DDAH1: variants seen among roughly 807,000 people sequenced by gnomAD.
DDAH1 encodes the protein N(G),N(G)-dimethylarginine dimethylaminohydrolase 1.
In DDAH1, 19 loss-of-function variants were observed where a neutral mutation model predicts 28.8. The observed-to-expected ratio is 0.66, with a 90% CI of 0.46 to 0.97. DDAH1 has a LOEUF of 0.97. DDAH1 is among the 50% of genes least tolerant of loss of function. The probability of loss-of-function intolerance (pLI) is 0.00; values close to 1 mark genes in which losing one functional copy is unlikely to be tolerated. For synonymous variants in DDAH1, 153 were observed against 154.4 expected (o/e 0.99, Z 0.07); for missense variants, 326 against 375.9 (o/e 0.87, Z 1.10).
chr1:85,404,172 AATAAAGCTAAACAG>A (rs1652291908), intron 1 of DDAH1, among the ~76,000 whole-genome samples: 1 of 152,162 alleles, frequency 6.6e-6, no homozygotes, highest in South Asian at 2.1e-4. Flanking sequence ...ATATTTCACA[AATAAAGCTAAACAG>A]AAAAATGCAG....
At chr1:85,338,974 G>C (rs1330358098) in intron 4 of DDAH1, among the ~76,000 whole-genome samples, 2 of 151,308 alleles carry the variant, frequency 1.3e-5, no homozygotes, top group Non-Finnish European at 2.9e-5. Context: ...TTGAACCTGG[G>C]AGGCGGAGGT....
At position 85,464,254 on chromosome 1, in the gene DDAH1, G is replaced by A. The variant is rs1326883451; in HGVS notation, c.303+489C>T. Among the ~76,000 whole-genome samples, 1 of 152,110 alleles carries A rather than the reference G, an allele frequency of 6.6e-6. No individual in the cohort carries two copies. Among genetic ancestry groups the A allele is most frequent in the East Asian group, 1.9e-4 (1 of 5,168 alleles). On this transcript the variant is annotated intron_variant, in intron 1 of 5. Transcript: ENST00000284031. The surrounding 1 kb of genome is among the most constrained non-coding windows in gnomAD (Gnocchi z 4.4). Reference sequence around the variant, plus strand: ...AACTTGAGAAGCCCCAGGTCTGTGGGCACCGACACCCCGTTAATTCATCCA... The same window carrying A: ...AACTTGAGAAGCCCCAGGTCTGTGGACACCGACACCCCGTTAATTCATCCA...
At chr1:85,500,878 T>TC (rs1553142517) in intron 1 of DDAH1, among the ~76,000 whole-genome samples, 3,228 of 152,210 alleles carry the variant, frequency 0.021, 111 homozygotes, top group African/African-American at 0.074. Context: ...GATTTTTTTT[T>TC]CATTTTAGGT....
At chr1:85,574,911 T>G (rs1424986008) in intron 1 of DDAH1, among the ~76,000 whole-genome samples, 4 of 151,454 alleles carry the variant, frequency 2.6e-5, no homozygotes, top group East Asian at 2.0e-4. Flanking sequence ...ATATATGTAA[T>G]TAATTATAAC....
intron 1 of DDAH1, among the ~76,000 whole-genome samples, chr1:85,565,879 G>A (rs1048077510): frequency 2.0e-5 from 3 of 151,986 alleles, no homozygotes; most frequent in Admixed American, 6.5e-5. Context: ...TCAAGAGTTC[G>A]AGACCAGGCT....
At chr1:85,330,301 G>T (rs1200727596) in intron 4 of DDAH1, among the ~76,000 whole-genome samples, 5 of 152,218 alleles carry the variant, frequency 3.3e-5, no homozygotes, top group Non-Finnish European at 7.3e-5. Flanking sequence ...TGAGGCCAAG[G>T]AACAGGTTCT....
intron 3 of DDAH1, 67 bp downstream of exon 3, chr1:85,351,439 T>G (rs994566732): frequency 3.9e-6 from 5 of 1,266,036 alleles, no homozygotes; most frequent in African/African-American, 2.9e-5. Context: ...ATGACATTGA[T>G]TCAATGGTTC....
At chr1:85,541,518 G>T (rs1421291911) in intron 1 of DDAH1, among the ~76,000 whole-genome samples, 1 of 152,164 alleles carries the variant, frequency 6.6e-6, no homozygotes, top group Non-Finnish European at 1.5e-5. Flanking sequence ...AGTAAATGAT[G>T]CTGTGTTGGG....
At chr1:85,333,715 A>G (rs1457207821) in intron 4 of DDAH1, among the ~76,000 whole-genome samples, 2 of 152,024 alleles carry the variant, frequency 1.3e-5, no homozygotes, top group African/African-American at 4.8e-5. Flanking sequence ...TCAACAGGAT[A>G]CTAAATCAAG....
chr1:85,357,659 G>A (rs528498373), intron 2 of DDAH1, among the ~76,000 whole-genome samples: 18 of 152,302 alleles, frequency 1.2e-4, no homozygotes, highest in African/African-American at 3.8e-4. Context: ...CCAAGTCCCT[G>A]AGGACCAGCC....
At position 85,457,836 on chromosome 1, in the gene DDAH1, C is replaced by T. The variant is rs1200828819; in HGVS notation, c.303+6907G>A. Among the ~76,000 whole-genome samples, 10 of 152,170 alleles carry T rather than the reference C, an allele frequency of 6.6e-5. No homozygotes were observed. The South Asian group carries it at 1.5e-3, about 22-fold the overall frequency. On this transcript the variant is annotated intron_variant, in intron 1 of 5. Coordinates refer to ENST00000284031, the MANE Select transcript of DDAH1 (RefSeq NM_012137.4). ...TCCCGAGTAGCTGGGACTACAGGCG[C>T]CTGCCAGCACGCCCAGCTAATTTTT...
intron 1 of DDAH1, chr1:85,380,535 T>C (rs1650930836): frequency 6.6e-6 from 1 of 152,164 alleles, no homozygotes; most frequent in Non-Finnish European, 1.5e-5. Context: ...CTGCCTTCTG[T>C]AGTCACATAT....
At chr1:85,406,408 C>T (rs1356153674) in intron 1 of DDAH1, among the ~76,000 whole-genome samples, 1 of 152,038 alleles carries the variant, frequency 6.6e-6, no homozygotes, top group Non-Finnish European at 1.5e-5. Flanking sequence ...TATCCCCATC[C>T]TCTCAGCAAA....
chr1:85,411,468 T>A (rs1448602374), intron 1 of DDAH1, among the ~76,000 whole-genome samples: 4 of 152,198 alleles, frequency 2.6e-5, no homozygotes, highest in African/African-American at 7.2e-5. Flanking sequence ...AGGGGACTGA[T>A]GCTGTGTTCA....
At chr1:85,525,656 C>G (rs1477583116) in intron 1 of DDAH1, among the ~76,000 whole-genome samples, 3 of 151,802 alleles carry the variant, frequency 2.0e-5, no homozygotes, top group South Asian at 2.1e-4. Context: ...AGAAACAAAA[C>G]TGGAGACTAG....
rs114751860 is a variant in DDAH1 at position 85,418,214 on chromosome 1, C to T, written c.303+46529G>A. On this transcript the variant is annotated intron_variant, in intron 1 of 5. Transcript: ENST00000284031. ...TGATTCAGCAGGAGGCTTATCTCAGCAAGTGGACCAATCAAAAAATTGGTC... is the reference window on the plus strand; with the variant it reads ...TGATTCAGCAGGAGGCTTATCTCAGTAAGTGGACCAATCAAAAAATTGGTC... 9.2e-3 allele frequency among the ~76,000 whole-genome samples: 1,399 copies of T among 152,286 alleles called. 10 individuals carry two copies. Among genetic ancestry groups the T allele is most frequent in the Non-Finnish European group, 0.014 (935 of 68,016 alleles).
At chr1:85,403,293 G>GTA (rs1652243932) in intron 1 of DDAH1, among the ~76,000 whole-genome samples, 1 of 151,258 alleles carries the variant, frequency 6.6e-6, no homozygotes, top group South Asian at 2.1e-4. Flanking sequence ...ATATGTGTAT[G>GTA]TATATATATG....
At chr1:85,561,788 C>T (rs532095983) in intron 1 of DDAH1, among the ~76,000 whole-genome samples, 2 of 152,312 alleles carry the variant, frequency 1.3e-5, no homozygotes, top group South Asian at 4.1e-4. Context: ...CATTACTAAA[C>T]TCTTGTCACC....
chr1:85,464,562 G>A lies in DDAH1; in HGVS notation c.303+181C>T. The A allele has an allele frequency of 6.5e-7, 1 of 1,529,368 alleles. No homozygotes were observed. The highest frequency in any genetic ancestry group is 8.7e-7 in the Non-Finnish European group (1 of 1,143,806). The allele number at this position is 1,529,368 out of a possible 1,614,324, so 94.7% of individuals were successfully genotyped here. A position where few individuals can be genotyped will look rare whatever the true frequency, so the allele number is the denominator to read the frequency against. ...AAGGCTGCCGGCAGCCGGGAGGTGT[G>A]AACAATGAACTTCTCTCTGACTCTC... On this transcript the variant is annotated intron_variant, in intron 1 of 5. Coordinates refer to ENST00000284031, the MANE Select transcript of DDAH1 (RefSeq NM_012137.4). This position sits in a 1 kb window ranked among gnomAD's most constrained non-coding sequence, Gnocchi z 4.4.
Sources: gnomAD v4.1 joint callset for allele counts (sites outside exome capture counted in the v4.1 genomes callset) on GRCh38, gnomAD v4.1.1 for gene constraint, Gnocchi (gnomAD v3.1) non-coding constraint, MANE v1.5 for transcripts, NCBI Gene and HGNC (gene_info 2026-07-23, HGNC 2026-07-21) for gene names.